The following ELMO1 variants were observed in gnomAD, a reference collection of about 807,000 sequenced individuals.
The protein encoded by ELMO1 is engulfment and cell motility protein 1.
Under a neutral mutation model 98.9 loss-of-function variants are expected in ELMO1, and 26 were observed. That is an observed-to-expected ratio of 0.26 (90% CI 0.19 to 0.36). The LOEUF is 0.36. Among genes scored for constraint, ELMO1 ranks in the 10% least tolerant of loss-of-function variants. ELMO1 has a pLI of 1.00. For missense variants in ELMO1, 627 were observed against 935.2 expected, an observed-to-expected ratio of 0.67 and a Z score of 4.30; for synonymous variants, 346 against 346.0, an observed-to-expected ratio of 1.00 and a Z score of 0.00.
chr7:37,179,126 A>G (rs939624287), intron 13 of ELMO1, among the ~76,000 whole-genome samples: 1 of 152,220 alleles, frequency 6.6e-6, no homozygotes, highest in Admixed American at 6.5e-5. Flanking sequence ...TGGCTGCGAC[A>G]GTTCAGTCAA....
At chr7:36,872,701 C>T (rs970215446) in intron 19 of ELMO1, among the ~76,000 whole-genome samples, 8 of 152,264 alleles carry the variant, frequency 5.3e-5, no homozygotes, top group Non-Finnish European at 5.9e-5. Flanking sequence ...TAATCCCTAC[C>T]GTAGGAAGGG....
intron 4 of ELMO1, among the ~76,000 whole-genome samples, chr7:37,298,284 TTTG>T (rs774193260): frequency 0.42 from 47,269 of 113,450 alleles, 9,043 homozygotes; most frequent in Middle Eastern, 0.54. Context: ...GGAAGTTTTT[TTTG>T]TTTTTTTTTT....
At chr7:37,339,971 C>T (rs2723992) in intron 2 of ELMO1, among the ~76,000 whole-genome samples, 70,875 of 151,876 alleles carry the variant, frequency 0.47, 17,277 homozygotes, top group Non-Finnish European at 0.56. Flanking sequence ...GAAGACTTTT[C>T]CTAAAATAGC....
intron 4 of ELMO1, among the ~76,000 whole-genome samples, chr7:37,308,296 C>T (rs1376547078): frequency 1.3e-5 from 2 of 152,156 alleles, no homozygotes; most frequent in East Asian, 1.9e-4. Flanking sequence ...AAAACCATCT[C>T]AAGGCTTCCC....
chr7:36,879,033 T>G (rs1037259241), intron 18 of ELMO1, among the ~76,000 whole-genome samples: 2 of 152,202 alleles, frequency 1.3e-5, no homozygotes, highest in African/African-American at 2.4e-5. Flanking sequence ...CAGTTTGGCT[T>G]GGACTGGCAA....
At chr7:37,435,547 TTAAAGA>T (rs1805109274) in intron 1 of ELMO1, among the ~76,000 whole-genome samples, 1 of 152,250 alleles carries the variant, frequency 6.6e-6, no homozygotes, top group African/African-American at 2.4e-5. Context: ...AAAAATTGTC[TTAAAGA>T]TATATGTTGA....
chr7:37,370,654 T>C (rs1802081003), intron 1 of ELMO1, among the ~76,000 whole-genome samples: 1 of 152,052 alleles, frequency 6.6e-6, no homozygotes, highest in South Asian at 2.1e-4. Flanking sequence ...AATAAACCTA[T>C]AAAAAGAAGG....
chr7:37,436,691 C>G (rs1805156610), intron 1 of ELMO1, among the ~76,000 whole-genome samples: 1 of 152,124 alleles, frequency 6.6e-6, no homozygotes, highest in South Asian at 2.1e-4. Context: ...TCTGAAGAAG[C>G]AATAAGTAGA....
chr7:37,403,423 T>A (rs760761413), intron 1 of ELMO1, among the ~76,000 whole-genome samples: 2 of 152,150 alleles, frequency 1.3e-5, no homozygotes, highest in Non-Finnish European at 2.9e-5. Flanking sequence ...TCCAGGGGTT[T>A]GGAGGCCAGG....
At chr7:36,974,613 C>T (rs1790338331) in intron 16 of ELMO1, among the ~76,000 whole-genome samples, 1 of 151,932 alleles carries the variant, frequency 6.6e-6, no homozygotes, top group Non-Finnish European at 1.5e-5. Flanking sequence ...TCAAAACAGA[C>T]CACTCGGCTC....
chr7:37,019,498 C>G (rs1794146525), intron 15 of ELMO1, among the ~76,000 whole-genome samples: 4 of 152,224 alleles, frequency 2.6e-5, no homozygotes, highest in Non-Finnish European at 5.9e-5. Context: ...CACCATTTAT[C>G]AAGTGGAGCC....
chr7:37,415,389 T>C (rs553969241), intron 1 of ELMO1, among the ~76,000 whole-genome samples: 1 of 152,328 alleles, frequency 6.6e-6, no homozygotes, highest in African/African-American at 2.4e-5. Flanking sequence ...ATCTTCAACA[T>C]CAAGAGTGTA....
rs184777028 is a variant in ELMO1, at chr7:37,214,132, C to T, written c.832-675G>A. ...GCAGGACAGGAAGACTGGATAGGTC[C>T]ACCCCCAATCCCCTCACCCCTGCCC... On this transcript the variant is annotated intron_variant, in intron 11 of 21. Coordinates refer to ENST00000310758, the MANE Select transcript of ELMO1 (RefSeq NM_014800.11). 6.8e-3 allele frequency among the ~76,000 whole-genome samples: 1,032 copies of T among 152,222 alleles called. 39 individuals are homozygous for T. Among genetic ancestry groups the T allele is most frequent in the Admixed American group, 0.06 (918 of 15,288 alleles).
At chr7:37,015,980 G>C (rs917545246) in intron 15 of ELMO1, among the ~76,000 whole-genome samples, 2 of 152,210 alleles carry the variant, frequency 1.3e-5, no homozygotes, top group Admixed American at 1.3e-4. Flanking sequence ...CAGACTGTGT[G>C]GTTTGCTGCC....
intron 13 of ELMO1, among the ~76,000 whole-genome samples, chr7:37,176,784 A>G (rs1790519897): frequency 6.6e-6 from 1 of 152,218 alleles, no homozygotes; most frequent in Admixed American, 6.5e-5. Context: ...TTATTTCTCT[A>G]TTACTTTTAT....
chr7:37,054,152 T>C (rs181063015), intron 15 of ELMO1, among the ~76,000 whole-genome samples: 19 of 152,344 alleles, frequency 1.2e-4, no homozygotes, highest in African/African-American at 4.3e-4. Context: ...ACCTGTGTAA[T>C]TTAATATTTA....
intron 16 of ELMO1, among the ~76,000 whole-genome samples, chr7:36,979,402 G>A (rs1376247052): frequency 6.6e-6 from 1 of 152,150 alleles, no homozygotes; most frequent in Non-Finnish European, 1.5e-5. Flanking sequence ...AGAGATTAAG[G>A]AGTCCCTCTA....
At chr7:37,360,795 T>C (rs1801671772) in intron 1 of ELMO1, among the ~76,000 whole-genome samples, 1 of 152,180 alleles carries the variant, frequency 6.6e-6, no homozygotes, top group Admixed American at 6.6e-5. Flanking sequence ...TCTACAAAGG[T>C]GGTGTCTACA....
intron 13 of ELMO1, among the ~76,000 whole-genome samples, chr7:37,167,077 C>T (rs1427620288): frequency 2.6e-5 from 4 of 152,106 alleles, no homozygotes; most frequent in African/African-American, 9.7e-5. Context: ...GAATTGATCC[C>T]TTTATCATTA....
Sources: gnomAD v4.1 joint callset for allele counts (sites outside exome capture counted in the v4.1 genomes callset) on GRCh38, gnomAD v4.1.1 for gene constraint, MANE v1.5 for transcripts, NCBI Gene and HGNC (gene_info 2026-07-23, HGNC 2026-07-21) for gene names.